The following PDZRN4 variants were observed in gnomAD, a reference collection of about 807,000 sequenced individuals.
PDZRN4 encodes PDZ domain containing ring finger 4.
A neutral mutation model predicts 99.0 loss-of-function variants in PDZRN4; 70 were observed. That is an observed-to-expected ratio of 0.71 (90% confidence interval 0.58 to 0.86). The LOEUF is 0.86. Among genes scored for constraint, PDZRN4 ranks in the 40% least tolerant of loss-of-function variants. PDZRN4 has a pLI of 0.00. For missense variants in PDZRN4, 1,474 were observed against 1,331.2 expected (o/e 1.11, Z -1.67); for synonymous variants, 551 against 501.6 (o/e 1.10, Z -1.32).
intron 3 of PDZRN4, among the ~76,000 whole-genome samples, chr12:41,214,429 C>CAAAAAAAAAAAAAAA (rs1950907530): frequency 6.2e-5 from 1 of 16,192 alleles, no homozygotes; most frequent in African/African-American, 2.6e-4. Flanking sequence ...ACCCTGTCCC[C>CAAAAAAAAAAAAAAA]TAAAAAAAAA....
chr12:41,551,046 T>C (rs1939044656), intron 5 of PDZRN4, among the ~76,000 whole-genome samples: 1 of 152,192 alleles, frequency 6.6e-6, no homozygotes, highest in African/African-American at 2.4e-5. Context: ...TTTGTACATT[T>C]GGGCTGCTAT....
chr12:41,395,769 G>A (rs189076958), intron 3 of PDZRN4, among the ~76,000 whole-genome samples: 6 of 152,154 alleles, frequency 3.9e-5, no homozygotes, highest in African/African-American at 1.2e-4. Flanking sequence ...TTGTTTATTT[G>A]GAAGACTGGA....
At chr12:41,571,590 T>C (rs1404690353) in intron 9 of PDZRN4, among the ~76,000 whole-genome samples, 13 of 152,142 alleles carry the variant, frequency 8.5e-5, no homozygotes, top group Admixed American at 6.5e-4. Context: ...AAAAATCTTA[T>C]ACAACCCCAA....
chr12:41,480,173 G>A (rs2120595909), intron 3 of PDZRN4, among the ~76,000 whole-genome samples: 1 of 152,178 alleles, frequency 6.6e-6, no homozygotes, highest in South Asian at 2.1e-4. Flanking sequence ...CCTGCCACCT[G>A]TTGAGAGAGC....
chr12:41,337,861 G>A (rs1951787123), intron 3 of PDZRN4, among the ~76,000 whole-genome samples: 1 of 152,016 alleles, frequency 6.6e-6, no homozygotes, highest in African/African-American at 2.4e-5. Flanking sequence ...AAGGATGCTG[G>A]GCCATCAACA....
In PDZRN4 at chr12:41,438,799, G is replaced by A. The variant is rs142365925; in HGVS notation, c.844-67657G>A. ...TTTCTTAACTTACTGTTTTATTGGG[G>A]GAGGTTCCCCTGGGAGTGTATGCTC... On this transcript the variant is annotated intron_variant, in intron 3 of 9. Coordinates refer to ENST00000402685, the MANE Select transcript of PDZRN4 (RefSeq NM_001164595.2). 4.7e-4 allele frequency among the ~76,000 whole-genome samples: 71 copies of A among 152,274 alleles called. No homozygotes were observed. The East Asian group carries it at 0.013, about 27-fold the overall frequency.
chr12:41,524,779 CT>C (rs2120723333), intron 5 of PDZRN4, among the ~76,000 whole-genome samples: 1 of 152,004 alleles, frequency 6.6e-6, no homozygotes, highest in South Asian at 2.1e-4. Context: ...ATAACTTTGG[CT>C]GCCTTTTGGC....
chr12:41,251,837 G>C (rs1002460684), intron 3 of PDZRN4, among the ~76,000 whole-genome samples: 18 of 152,040 alleles, frequency 1.2e-4, no homozygotes, highest in African/African-American at 4.3e-4. Context: ...AAAATAAGGC[G>C]AGGCATGGTG....
chr12:41,383,185 A>T (rs540159389), intron 3 of PDZRN4, among the ~76,000 whole-genome samples: 1 of 152,288 alleles, frequency 6.6e-6, no homozygotes, highest in African/African-American at 2.4e-5. Flanking sequence ...AGAGCACTGA[A>T]TGAGGACTTT....
chr12:41,204,344 A>T lies in PDZRN4; in HGVS notation c.843+10156A>T, dbSNP rs147722604. On this transcript the variant is annotated intron_variant, in intron 3 of 9. Coordinates refer to ENST00000402685, the MANE Select transcript of PDZRN4 (RefSeq NM_001164595.2). ...AGAGAGACAAAAGGCTTGATGGATTACCCTCTGGACAGGAGAGTTCCTTAA... is the reference window on the plus strand; with the variant it reads ...AGAGAGACAAAAGGCTTGATGGATTTCCCTCTGGACAGGAGAGTTCCTTAA... Among the ~76,000 whole-genome samples the T allele has an allele frequency of 1.3e-3, 195 of 152,118 alleles. 1 individual carries two copies. The highest frequency in any genetic ancestry group is 4.5e-3 in the African/African-American group (185 of 41,554).
At chr12:41,569,763 C>T (rs1304711272) in intron 9 of PDZRN4, among the ~76,000 whole-genome samples, 1 of 152,182 alleles carries the variant, frequency 6.6e-6, no homozygotes, top group African/African-American at 2.4e-5. Context: ...ATAGCATCAA[C>T]ATAGTCATAT....
At chr12:41,226,569 G>T (rs747425584) in intron 3 of PDZRN4, among the ~76,000 whole-genome samples, 1 of 151,914 alleles carries the variant, frequency 6.6e-6, no homozygotes, top group East Asian at 1.9e-4. Flanking sequence ...AAAAATGAAC[G>T]TAAGGAAACA....
intron 3 of PDZRN4, among the ~76,000 whole-genome samples, chr12:41,286,205 T>G (rs1356237633): frequency 6.6e-6 from 1 of 151,992 alleles, no homozygotes; most frequent in Non-Finnish European, 1.5e-5. Context: ...GCTGGTATAT[T>G]AAAAGTGTAC....
intron 3 of PDZRN4, among the ~76,000 whole-genome samples, chr12:41,427,862 C>T (rs1395377733): frequency 6.6e-6 from 1 of 152,066 alleles, no homozygotes; most frequent in Non-Finnish European, 1.5e-5. Context: ...GGCTGGTGGG[C>T]AGATCACCTG....
intron 3 of PDZRN4, among the ~76,000 whole-genome samples, chr12:41,496,514 G>T (rs1398988060): frequency 1.3e-5 from 2 of 152,190 alleles, no homozygotes; most frequent in East Asian, 3.9e-4. Flanking sequence ...GCCCAGTTCT[G>T]AGTGATTCCC....
At chr12:41,341,613 A>C (rs2121015844) in intron 3 of PDZRN4, among the ~76,000 whole-genome samples, 1 of 152,016 alleles carries the variant, frequency 6.6e-6, no homozygotes, top group East Asian at 1.9e-4. Flanking sequence ...TAGCAAAAAA[A>C]ATAGCTAGGA....
At chr12:41,207,313 C>A (rs1950857790) in intron 3 of PDZRN4, among the ~76,000 whole-genome samples, 1 of 151,610 alleles carries the variant, frequency 6.6e-6, no homozygotes, top group South Asian at 2.1e-4. Context: ...AAGTTAGATT[C>A]CCAGACATAC....
At chr12:41,248,261 G>A (rs573913058) in intron 3 of PDZRN4, among the ~76,000 whole-genome samples, 47 of 152,292 alleles carry the variant, frequency 3.1e-4, no homozygotes, top group African/African-American at 1.0e-3. Flanking sequence ...CAAAGTGTTA[G>A]ATGAAGCTTA....
chr12:41,310,226 T>C (rs950558364), intron 3 of PDZRN4, among the ~76,000 whole-genome samples: 2 of 151,650 alleles, frequency 1.3e-5, no homozygotes, highest in Non-Finnish European at 2.9e-5. Flanking sequence ...AGCCACCGCA[T>C]CCAGCCTTGT....
Sources: gnomAD v4.1 joint callset for allele counts (sites outside exome capture counted in the v4.1 genomes callset) on GRCh38, gnomAD v4.1.1 for gene constraint, MANE v1.5 for transcripts, NCBI Gene and HGNC (gene_info 2026-07-23, HGNC 2026-07-21) for gene names.